The following RGS7BP variants were observed in gnomAD, a reference collection of about 807,000 sequenced individuals.
RGS7BP encodes regulator of G protein signaling 7 binding protein.
Under a neutral mutation model 31.3 loss-of-function variants are expected in RGS7BP, and 9 were observed. The ratio of observed to expected loss-of-function variants is 0.29; its 90% CI spans 0.17 to 0.50. The LOEUF is 0.50. Ranked by LOEUF, RGS7BP falls within the 20% of genes least tolerant of loss-of-function variation. RGS7BP has a pLI of 0.98. For synonymous variants in RGS7BP, 115 were observed against 120.1 expected (o/e 0.96, Z 0.28); for missense variants, 274 against 322.0 (o/e 0.85, Z 1.14).
chr5:64,596,079 C>A (rs1228923209), intron 4 of RGS7BP, among the ~76,000 whole-genome samples: 1 of 152,178 alleles, frequency 6.6e-6, no homozygotes, highest in African/African-American at 2.4e-5. Flanking sequence ...TGCTGAAATG[C>A]CATATCAGGG....
chr5:64,532,861 G>A (rs145370839), intron 2 of RGS7BP, among the ~76,000 whole-genome samples: 163 of 152,158 alleles, frequency 1.1e-3, no homozygotes, highest in Non-Finnish European at 1.9e-3. Context: ...GTCAGCCCAT[G>A]CTGCAGCCTG....
intron 2 of RGS7BP, among the ~76,000 whole-genome samples, chr5:64,529,165 G>T (rs541040913): frequency 1.3e-5 from 2 of 152,086 alleles, no homozygotes; most frequent in Non-Finnish European, 2.9e-5. Context: ...ACCAAAAAAA[G>T]AGAATTATTT....
chr5:64,525,140 C>T (rs1749199929), intron 2 of RGS7BP, among the ~76,000 whole-genome samples: 1 of 152,072 alleles, frequency 6.6e-6, no homozygotes, highest in Non-Finnish European at 1.5e-5. Context: ...GTTTCCCAGC[C>T]ATTTCAACTT....
rs954903921 is a variant in RGS7BP, at chr5:64,609,429, C to T, written c.*177C>T. On this transcript the variant is annotated 3_prime_UTR_variant, in exon 6 of 6. Coordinates refer to ENST00000334025, the MANE Select transcript of RGS7BP (RefSeq NM_001029875.3). ...TGATTTTACACTTGAAAGCAGCTGC[C>T]GTCAAGAAAAAAAAGAACAGATTCA... The T allele has an allele frequency of 7.5e-6, 4 of 534,462 alleles. No homozygotes were observed. The highest frequency in any genetic ancestry group is 3.1e-5 in the Admixed American group (1 of 32,592). The allele number at this position is 534,462 out of a possible 1,614,324, so 33.1% of individuals were successfully genotyped here. A position where few individuals can be genotyped will look rare whatever the true frequency, so the allele number is the denominator to read the frequency against.
Position 64,591,407 on chromosome 5 carries a change from T to G in RGS7BP, c.464-3303T>G, listed in dbSNP as rs111605055. On this transcript the variant is annotated intron_variant, in intron 3 of 5. Coordinates refer to ENST00000334025, the MANE Select transcript of RGS7BP (RefSeq NM_001029875.3). Reference sequence around the variant, plus strand: ...CGGTAGTAATAAAGGAAAAGAAAAATAAAAATAAAAGTGCAATGAGATTCT... The same window carrying G: ...CGGTAGTAATAAAGGAAAAGAAAAAGAAAAATAAAAGTGCAATGAGATTCT... 9.2e-3 allele frequency among the ~76,000 whole-genome samples: 1,394 copies of G among 151,384 alleles called. 17 individuals carry two copies. Among genetic ancestry groups the G allele is most frequent in the African/African-American group, 0.032 (1,318 of 41,308 alleles).
At chr5:64,559,196 G>C (rs1316640148) in intron 2 of RGS7BP, among the ~76,000 whole-genome samples, 6 of 152,096 alleles carry the variant, frequency 3.9e-5, no homozygotes, top group African/African-American at 1.4e-4. Context: ...CACAGAACCT[G>C]CTGACATGTG....
At chr5:64,543,420 T>C (rs1482977478) in intron 2 of RGS7BP, among the ~76,000 whole-genome samples, 1 of 152,230 alleles carries the variant, frequency 6.6e-6, no homozygotes, top group East Asian at 1.9e-4. Context: ...AGGACAAGCA[T>C]AAGGGTAACT....
intron 2 of RGS7BP, among the ~76,000 whole-genome samples, chr5:64,553,134 A>G (rs745923367): frequency 4.6e-5 from 7 of 151,338 alleles, no homozygotes; most frequent in Non-Finnish European, 1.0e-4. Flanking sequence ...GACTTAGTGT[A>G]ACTTGAATCT....
intron 5 of RGS7BP, among the ~76,000 whole-genome samples, chr5:64,608,002 C>T (rs563495691): frequency 1.3e-5 from 2 of 152,212 alleles, no homozygotes; most frequent in South Asian, 4.1e-4. Context: ...CATCTAACTT[C>T]TGCTTCTGTG....
At chr5:64,533,476 A>T (rs1336765212) in intron 2 of RGS7BP, among the ~76,000 whole-genome samples, 5 of 152,202 alleles carry the variant, frequency 3.3e-5, no homozygotes, top group Non-Finnish European at 7.3e-5. Flanking sequence ...GTAAATCTTT[A>T]AAACTCCTAA....
At chr5:64,583,993 A>G (rs1233701994) in intron 3 of RGS7BP, among the ~76,000 whole-genome samples, 1 of 152,122 alleles carries the variant, frequency 6.6e-6, no homozygotes, top group Non-Finnish European at 1.5e-5. Flanking sequence ...TATTTTCCCC[A>G]TTTTACACAT....
intron 5 of RGS7BP, among the ~76,000 whole-genome samples, chr5:64,603,138 G>C (rs115500395): frequency 6.1e-4 from 93 of 152,284 alleles, no homozygotes; most frequent in Middle Eastern, 3.4e-3. Flanking sequence ...AGTCCATAAG[G>C]AGGCAGGTGC....
chr5:64,528,681 C>T (rs559950739), intron 2 of RGS7BP, among the ~76,000 whole-genome samples: 2 of 151,808 alleles, frequency 1.3e-5, no homozygotes, highest in South Asian at 4.2e-4. Flanking sequence ...TGTGGTGATG[C>T]GAGCCTGTAA....
chr5:64,575,564 G>C (rs774700595), intron 2 of RGS7BP: 2 of 831,098 alleles, frequency 2.4e-6, no homozygotes, highest in Non-Finnish European at 3.2e-6. Context: ...TGCTGCTGAA[G>C]GGGAAAAAAA....
chr5:64,540,477 A>G (rs1281152651), intron 2 of RGS7BP, among the ~76,000 whole-genome samples: 1 of 152,144 alleles, frequency 6.6e-6, no homozygotes, highest in African/African-American at 2.4e-5. Context: ...ATCTCCAATC[A>G]TTTATCATTA....
chr5:64,533,535 C>A (rs866424807), intron 2 of RGS7BP, among the ~76,000 whole-genome samples: 3 of 152,150 alleles, frequency 2.0e-5, no homozygotes, highest in Admixed American at 6.5e-5. Context: ...GGGGTGGGAT[C>A]GAAGCCCTGC....
intron 2 of RGS7BP, among the ~76,000 whole-genome samples, chr5:64,535,891 C>A (rs1741337793): frequency 6.6e-6 from 1 of 152,124 alleles, no homozygotes; most frequent in Non-Finnish European, 1.5e-5. Flanking sequence ...GGAAGAAAGT[C>A]TTGGGAATCA....
intron 3 of RGS7BP, among the ~76,000 whole-genome samples, chr5:64,578,235 T>A (rs1336110638): frequency 6.6e-6 from 1 of 152,188 alleles, no homozygotes; most frequent in Admixed American, 6.5e-5. Context: ...TGCCTATTTT[T>A]AAAAAATAAT....
intron 3 of RGS7BP, among the ~76,000 whole-genome samples, chr5:64,579,995 G>A (rs773976759): frequency 2.6e-5 from 4 of 152,128 alleles, no homozygotes; most frequent in African/African-American, 7.2e-5. Context: ...ATTGGAAACC[G>A]TAGAGCAACC....
Sources: allele counts gnomAD v4.1 joint callset (sites outside exome capture counted in the v4.1 genomes callset), GRCh38; gene constraint gnomAD v4.1.1; transcripts MANE v1.5; gene names NCBI Gene and HGNC (gene_info 2026-07-23, HGNC 2026-07-21).